C8orf34: variants seen among roughly 807,000 people sequenced by gnomAD.
C8orf34 encodes the protein uncharacterized protein C8orf34.
Under a neutral mutation model 68.3 loss-of-function variants are expected in C8orf34, and 65 were observed. That is an observed-to-expected ratio of 0.95 (90% confidence interval 0.78 to 1.17). The LOEUF (loss-of-function observed/expected upper bound fraction) is 1.17, where lower values mean the gene tolerates loss of function less well. Ranked by LOEUF, C8orf34 falls within the 50% of genes most tolerant of loss-of-function variation. The pLI, the probability that C8orf34 is intolerant of heterozygous loss-of-function variation, is 0.00. For synonymous variants in C8orf34, 244 were observed against 241.2 expected (o/e 1.01, Z -0.11); for missense variants, 664 against 655.4 (o/e 1.01, Z -0.14).
rs566392376 is a variant in C8orf34 at position 68,642,956 on chromosome 8, T to C, written c.1241+2445T>C. ...GGGTTCATGCCCCTGTGAGAATCTA[T>C]GGCTGATCTGACAGGAGGCGGAGCT... On this transcript the variant is annotated intron_variant, in intron 8 of 13. Coordinates refer to ENST00000518698, the MANE Select transcript of C8orf34 (RefSeq NM_052958.4). Among the ~76,000 whole-genome samples the C allele has an allele frequency of 5.3e-5, 8 of 152,298 alleles. 1 individual carries two copies. In the South Asian group the frequency reaches 1.5e-3, roughly 28 times the overall value.
At chr8:68,640,704 C>T (rs1434143008) in intron 8 of C8orf34, among the ~76,000 whole-genome samples, 193 bp downstream of exon 8, 11 of 152,162 alleles carry the variant, frequency 7.2e-5, no homozygotes, top group Admixed American at 7.2e-4. Flanking sequence ...AACAATGAAT[C>T]AAAGAGTTTA....
At chr8:68,647,243 A>T (rs1050226113) in intron 8 of C8orf34, among the ~76,000 whole-genome samples, 1 of 152,176 alleles carries the variant, frequency 6.6e-6, no homozygotes, top group Admixed American at 6.6e-5. Context: ...CCGCAAAAAG[A>T]TATTGCCTAA....
At chr8:68,530,966 A>G (rs1374250740) in intron 6 of C8orf34, among the ~76,000 whole-genome samples, 2 of 152,100 alleles carry the variant, frequency 1.3e-5, no homozygotes, top group African/African-American at 4.8e-5. Context: ...AAAAGTAGTA[A>G]TATCAAGATC....
chr8:68,396,760 C>A (rs1808729219), intron 1 of C8orf34, among the ~76,000 whole-genome samples: 2 of 141,192 alleles, frequency 1.4e-5, no homozygotes, highest in African/African-American at 5.2e-5. Context: ...CCTCCTCTCT[C>A]TCTCTCGCTT....
chr8:68,385,615 G>A (rs769493856), intron 1 of C8orf34, among the ~76,000 whole-genome samples: 2 of 152,148 alleles, frequency 1.3e-5, no homozygotes, highest in African/African-American at 2.4e-5. Flanking sequence ...AGATAACCAG[G>A]CTCACAGATA....
intron 8 of C8orf34, among the ~76,000 whole-genome samples, chr8:68,682,396 G>T (rs1211443902): frequency 2.0e-5 from 3 of 152,070 alleles, no homozygotes; most frequent in Non-Finnish European, 2.9e-5. Context: ...GATTTGTTAT[G>T]CAGATTTAGA....
At chr8:68,340,885 A>G (rs976377578) in intron 1 of C8orf34, among the ~76,000 whole-genome samples, 1 of 152,204 alleles carries the variant, frequency 6.6e-6, no homozygotes, top group African/African-American at 2.4e-5. Context: ...TTATGAATAT[A>G]GACACAAAAA....
At chr8:68,574,870 A>G (rs1369368614) in intron 7 of C8orf34, among the ~76,000 whole-genome samples, 1 of 152,038 alleles carries the variant, frequency 6.6e-6, no homozygotes, top group Non-Finnish European at 1.5e-5. Context: ...GGGCTTTCTC[A>G]GTAAACATGT....
chr8:68,664,001 G>A (rs139059180), intron 8 of C8orf34, among the ~76,000 whole-genome samples: 52 of 152,274 alleles, frequency 3.4e-4, no homozygotes, highest in Admixed American at 7.2e-4. Flanking sequence ...TTATGTCACC[G>A]GAAGGGGAAA....
At chr8:68,416,354 C>G (rs1809664560) in intron 1 of C8orf34, among the ~76,000 whole-genome samples, 1 of 152,048 alleles carries the variant, frequency 6.6e-6, no homozygotes, top group South Asian at 2.1e-4. Flanking sequence ...TTCTCACTAC[C>G]ACTAGAATAC....
intron 7 of C8orf34, among the ~76,000 whole-genome samples, chr8:68,594,832 TA>T (rs2130457905): frequency 6.6e-6 from 1 of 152,282 alleles, no homozygotes; most frequent in East Asian, 1.9e-4. Flanking sequence ...TATTCTGTTT[TA>T]AATGTTCTGT....
intron 13 of C8orf34, among the ~76,000 whole-genome samples, chr8:68,816,862 G>C (rs769991439): frequency 1.3e-5 from 2 of 152,058 alleles, no homozygotes; most frequent in Non-Finnish European, 2.9e-5. Context: ...CCAAAAAAGA[G>C]ACTGATTAGA....
chr8:68,451,852 G>C (rs73262708), intron 3 of C8orf34, among the ~76,000 whole-genome samples: 1 of 151,838 alleles, frequency 6.6e-6, no homozygotes, highest in African/African-American at 2.4e-5. Flanking sequence ...GTTCAATGCA[G>C]GGTCCCCACG....
At chr8:68,554,491 T>C (rs1816188394) in intron 7 of C8orf34, among the ~76,000 whole-genome samples, 1 of 152,136 alleles carries the variant, frequency 6.6e-6, no homozygotes, top group African/African-American at 2.4e-5. Context: ...GACTTTTTTG[T>C]ATATGAGGTA....
At chr8:68,536,910 A>T (rs1406922183) in intron 7 of C8orf34, among the ~76,000 whole-genome samples, 1 of 152,162 alleles carries the variant, frequency 6.6e-6, no homozygotes, top group Non-Finnish European at 1.5e-5. Flanking sequence ...AAGTGTAATT[A>T]TACTGGGATT....
At chr8:68,661,437 G>A (rs1170712463) in intron 8 of C8orf34, among the ~76,000 whole-genome samples, 1 of 152,224 alleles carries the variant, frequency 6.6e-6, no homozygotes, top group Non-Finnish European at 1.5e-5. Flanking sequence ...CCGGGTTCTT[G>A]TCTCACAACC....
intron 1 of C8orf34, among the ~76,000 whole-genome samples, chr8:68,350,116 C>T (rs533944794): frequency 9.9e-5 from 15 of 151,966 alleles, no homozygotes; most frequent in Admixed American, 2.6e-4. Flanking sequence ...CTATGAATTT[C>T]GCTCTTAATA....
intron 10 of C8orf34, among the ~76,000 whole-genome samples, chr8:68,725,104 C>G (rs1300029355): frequency 3.9e-5 from 6 of 152,134 alleles, no homozygotes; most frequent in Non-Finnish European, 5.9e-5. Context: ...TGGATTCAGG[C>G]AATCCTCCTT....
At chr8:68,505,648 G>C (rs1003726901) in intron 5 of C8orf34, among the ~76,000 whole-genome samples, 2 of 111,984 alleles carry the variant, frequency 1.8e-5, no homozygotes, top group Admixed American at 1.6e-4. Flanking sequence ...GGAGAATGGC[G>C]TGAACCCGGG....
Sources: allele counts gnomAD v4.1 joint callset (sites outside exome capture counted in the v4.1 genomes callset), GRCh38; gene constraint gnomAD v4.1.1; transcripts MANE v1.5; gene names NCBI Gene and HGNC (gene_info 2026-07-23, HGNC 2026-07-21).